RPP21: variants seen among roughly 807,000 people sequenced by gnomAD.
The protein encoded by RPP21 is ribonuclease P protein subunit p21.
A neutral mutation model predicts 19.0 loss-of-function variants in RPP21; 21 were observed. The observed-to-expected ratio is 1.11, with a 90% CI of 0.78 to 1.59. The LOEUF (loss-of-function observed/expected upper bound fraction) is 1.59. Among genes scored for constraint, RPP21 ranks in the 40% most tolerant of loss-of-function variants. The pLI is 0.00. For missense variants in RPP21, 215 were observed against 200.2 expected (o/e 1.07, Z -0.45); for synonymous variants, 93 against 78.7 (o/e 1.18, Z -0.96).
Position 30,345,378 on chromosome 6 carries a change from G to T in RPP21, c.138G>T (p.Ala46=). ...RFYCYTERTI[A]KRLVLRRDPS... ...ACTGCTACACTGAGAGGACCATTGC[G>T]AAGCGGCTCGTCTTGCGGCGGTGAG... Residue 46 remains alanine (A), a synonymous_variant, in exon 2 of 5, where the codon GCG becomes GCT. Transcript: ENST00000442966. 6.2e-7 allele frequency: 1 copy of T among 1,612,948 alleles called. No individual in the cohort carries two copies. The highest frequency in any genetic ancestry group is 8.5e-7 in the Non-Finnish European group (1 of 1,179,838).
rs1407784755 is a variant in RPP21 at position 30,345,616 on chromosome 6, G to A, written c.241+43G>A. On this transcript the variant is annotated intron_variant, in intron 3 of 4. Transcript: ENST00000442966. ...GGTGGAAGACTGCGGAGCATTGGGG[G>A]CGCGGAGGGGGGCGGGGTGGGGGGC... 4.8e-6 allele frequency: 7 copies of A among 1,471,544 alleles called. No homozygotes were observed. In the African/African-American group the frequency reaches 5.7e-5, roughly 12 times the overall value. The allele number at this position is 1,471,544 out of a possible 1,614,324, so 91.2% of individuals were successfully genotyped here.
intron 3 of RPP21, chr6:30,345,851 A>G: frequency 2.3e-6 from 1 of 441,652 alleles, no homozygotes; most frequent in Non-Finnish European, 4.0e-6. Context: ...ACAATAATAG[A>G]TGTTGTTCGG....
chr6:30,345,701 C>A (rs207466843), intron 3 of RPP21, 128 bp downstream of exon 3: 2 of 1,103,756 alleles, frequency 1.8e-6, no homozygotes, highest in Non-Finnish European at 2.5e-6. Context: ...GTGGGATTCG[C>A]AGGAGTCTTC....
Position 30,346,788 on chromosome 6 carries a change from C to A in RPP21, c.443C>A (p.Thr148Asn), listed in dbSNP as rs1262144276. ...CGCCTTCCTGAGGAGAAAATGCAGA[C>A]TCAGGGTTCCAGTAACCAGTGATGG... ...SDRLPEEKMQTQGSSNQ is the reference protein window; with the variant it reads ...SDRLPEEKMQNQGSSNQ Residue 148 changes from threonine to asparagine, a missense_variant, in exon 5 of 5, where the codon ACT becomes AAT. Transcript: ENST00000442966. This position sits in a 1 kb window ranked among gnomAD's most constrained non-coding sequence, Gnocchi z 4.7. The A allele has an allele frequency of 6.2e-7, 1 of 1,613,208 alleles. No individual in the cohort carries two copies. Among genetic ancestry groups the A allele is most frequent in the Non-Finnish European group, 8.5e-7 (1 of 1,180,022 alleles).
Position 30,346,419 on chromosome 6 carries a change from A to C in RPP21, c.242-13A>C. ...TCTAAACGTGGACAGTCTTTTTCCC[A>C]TGTTCACCCTAGGCTGCAGGGGACA... is the stretch of plus-strand genomic sequence containing the variant. On this transcript the variant is annotated splice_polypyrimidine_tract_variant and intron_variant, in intron 3 of 4. Coordinates refer to ENST00000442966, the MANE Select transcript of RPP21 (RefSeq NM_024839.4). The surrounding 1 kb of genome is among the most constrained non-coding windows in gnomAD (Gnocchi z 4.7). 1 of 1,609,036 alleles carries C rather than the reference A, an allele frequency of 6.2e-7. No individual in the cohort carries two copies. The highest frequency in any genetic ancestry group is 1.3e-5 in the African/African-American group (1 of 74,870).
chr6:30,346,329 G>T lies in RPP21; in HGVS notation c.242-103G>T. On this transcript the variant is annotated intron_variant, in intron 3 of 4. Coordinates refer to ENST00000442966, the MANE Select transcript of RPP21 (RefSeq NM_024839.4). This position sits in a 1 kb window ranked among gnomAD's most constrained non-coding sequence, Gnocchi z 4.7. ...AATGTGCATTCAAATTGGGGGTGTG[G>T]TGGGGGAGCGGGGATACCTACTGAA... is the stretch of plus-strand genomic sequence containing the variant. The T allele has an allele frequency of 6.5e-7, 1 of 1,541,226 alleles. No homozygotes were observed. The highest frequency in any genetic ancestry group is 8.8e-7 in the Non-Finnish European group (1 of 1,137,982).
chr6:30,345,407 G>A lies in RPP21; in HGVS notation c.158+9G>A. On this transcript the variant is annotated intron_variant, in intron 2 of 4. Transcript: ENST00000442966. ...CGGCTCGTCTTGCGGCGGTGAGACAGCCACGGGGCGGGCGGCGGGCGGGAC... is the reference window on the plus strand; with the variant it reads ...CGGCTCGTCTTGCGGCGGTGAGACAACCACGGGGCGGGCGGCGGGCGGGAC... The A allele has an allele frequency of 1.2e-6, 2 of 1,612,036 alleles. No individual in the cohort carries two copies. The highest frequency in any genetic ancestry group is 1.7e-6 in the Non-Finnish European group (2 of 1,179,282).
chr6:30,345,527 C>T lies in RPP21; in HGVS notation c.195C>T (p.Cys65=). ...PSVKRTLCRG[C]SSLLVPGLTC... Reference sequence around the variant, plus strand: ...TGAAGAGGACTCTCTGTCGAGGCTGCTCTTCCCTCCTCGTCCCGGGCCTCA... The same window carrying T: ...TGAAGAGGACTCTCTGTCGAGGCTGTTCTTCCCTCCTCGTCCCGGGCCTCA... The change falls in exon 3 of 5, where the codon TGC becomes TGT. Residue 65 remains cysteine, a synonymous_variant. Coordinates refer to ENST00000442966, the MANE Select transcript of RPP21 (RefSeq NM_024839.4). 1 of 1,592,882 alleles carries T rather than the reference C, an allele frequency of 6.3e-7. No homozygotes were observed. Among genetic ancestry groups the T allele is most frequent in the Non-Finnish European group, 8.6e-7 (1 of 1,169,026 alleles).
rs1397619922 is a variant in RPP21, at chr6:30,345,568, A to G, written c.236A>G (p.Gln79Arg). ...CCGGGCCTCACCTGCACCCAGCGCC[A>G]GAGACGTGAGTGCTCCAACGGAGGT... ...LVPGLTCTQR[Q>R]RRCRGQRWTV... The change falls in exon 3 of 5, where the codon CAG (glutamine) becomes CGG (arginine). Residue 79 changes from glutamine (Q) to arginine (R), a missense_variant. Physicochemically the swap from Gln to Arg is conservative, Grantham distance 43. Coordinates refer to ENST00000442966, the MANE Select transcript of RPP21 (RefSeq NM_024839.4). 1.4e-6 allele frequency: 2 copies of G among 1,442,168 alleles called. No individual in the cohort carries two copies. Among genetic ancestry groups the G allele is most frequent in the Non-Finnish European group, 1.9e-6 (2 of 1,077,346 alleles). The allele number at this position is 1,442,168 out of a possible 1,614,324, so 89.3% of individuals were successfully genotyped here. A position where few individuals can be genotyped will look rare whatever the true frequency, so the allele number is the denominator to read the frequency against.
chr6:30,345,873 A>T, intron 3 of RPP21: 1 of 407,208 alleles, frequency 2.5e-6, no homozygotes. Context: ...TTTGTGGAGG[A>T]CGATTCCCAT....
rs1205313356 is a variant in RPP21, at chr6:30,346,666, C to G, written c.368-47C>G. On this transcript the variant is annotated intron_variant, in intron 4 of 4. Coordinates refer to ENST00000442966, the MANE Select transcript of RPP21 (RefSeq NM_024839.4). This position sits in a 1 kb window ranked among gnomAD's most constrained non-coding sequence, Gnocchi z 4.7. ...TTCTGGGTTGGTGTGAGAAGTACCA[C>G]AGTCAGAAAACTAATTCTGTTTCTC... 1 of 1,613,940 alleles carries G rather than the reference C, an allele frequency of 6.2e-7. No homozygotes were observed. Among genetic ancestry groups the G allele is most frequent in the Non-Finnish European group, 8.5e-7 (1 of 1,179,918 alleles).
intron 2 of RPP21, 41 bp from the exon 3 acceptor site, chr6:30,345,450 G>A (rs5030611): frequency 0.18 from 285,658 of 1,610,540 alleles, 30,312 homozygotes; most frequent in East Asian, 0.43. Flanking sequence ...GAACGCGAGA[G>A]GGAGCGCGGG....
chr6:30,345,457 C>T (rs1387304017), intron 2 of RPP21, 34 bp from the exon 3 acceptor site: 23 of 1,610,454 alleles, frequency 1.4e-5, no homozygotes, highest in African/African-American at 2.7e-5. Context: ...AGAGGGAGCG[C>T]GGGCGCCAGA....
Position 30,345,385 on chromosome 6 carries a change from C to G in RPP21, c.145C>G (p.Leu49Val), listed in dbSNP as rs2127421899. The G allele has an allele frequency of 6.2e-7, 1 of 1,612,856 alleles. No homozygotes were observed. Among genetic ancestry groups the G allele is most frequent in the East Asian group, 2.2e-5 (1 of 44,860 alleles). Residue 49 changes from leucine (L) to valine (V), a missense_variant, in exon 2 of 5, where the codon CTC becomes GTC. By Grantham distance (32) the Leu-to-Val change is conservative (BLOSUM62 1). Transcript: ENST00000442966. ...CYTERTIAKR[L>V]VLRRDPSVKR... ...CACTGAGAGGACCATTGCGAAGCGG[C>G]TCGTCTTGCGGCGGTGAGACAGCCA...
At position 30,345,159 on chromosome 6, in the gene RPP21, G is replaced by T. The variant is rs369137891; in HGVS notation, c.-13G>T. The T allele has an allele frequency of 5.7e-5, 89 of 1,555,482 alleles. 3 individuals are homozygous for T. The South Asian group carries it at 9.7e-4, about 17-fold the overall frequency. ...AGGGGTGGGGCTGCGGGAGGCCCTG[G>T]AGCGCGGCGGTGATGGCGGGGCCGG... On this transcript the variant is annotated 5_prime_UTR_variant, in exon 1 of 5. Coordinates refer to ENST00000442966, the MANE Select transcript of RPP21 (RefSeq NM_024839.4).
Position 30,345,481 on chromosome 6 carries a change from C to T in RPP21, c.159-10C>T, listed in dbSNP as rs780892693. On this transcript the variant is annotated splice_polypyrimidine_tract_variant and intron_variant, in intron 2 of 4. Transcript: ENST00000442966. Reference sequence around the variant, plus strand: ...GCGGGCGCCAGACCACTATCCTCCTCCGCCCCCAGGGATCCCTCGGTGAAG... The same window carrying T: ...GCGGGCGCCAGACCACTATCCTCCTTCGCCCCCAGGGATCCCTCGGTGAAG... 2.1e-5 allele frequency: 34 copies of T among 1,609,894 alleles called. No homozygotes were observed. The Admixed American group carries it at 3.4e-4, about 16-fold the overall frequency.
chr6:30,345,430 G>T (rs1206405238), intron 2 of RPP21, 32 bp downstream of exon 2: 1 of 1,608,006 alleles, frequency 6.2e-7, no homozygotes, highest in Middle Eastern at 1.7e-4. Context: ...CGGCGGGCGG[G>T]ACGCGGGAGG....
chr6:30,345,210 G>A lies in RPP21; in HGVS notation c.39G>A (p.Arg13=), dbSNP rs1430132443. 1 of 1,595,288 alleles carries A rather than the reference G, an allele frequency of 6.3e-7. No individual in the cohort carries two copies. The highest frequency in any genetic ancestry group is 1.3e-5 in the African/African-American group (1 of 74,784). Residue 13 remains arginine, a synonymous_variant, in exon 1 of 5, where the codon AGG becomes AGA. Coordinates refer to ENST00000442966, the MANE Select transcript of RPP21 (RefSeq NM_024839.4). Reference sequence around the variant, plus strand: ...TGAAGGACCGCGAGGCCTTCCAGAGGCTCAACTTCCTGTACCAGGTGAGTC... The same window carrying A: ...TGAAGGACCGCGAGGCCTTCCAGAGACTCAACTTCCTGTACCAGGTGAGTC... ...GPVKDREAFQ[R]LNFLYQAAHC... is the part of the protein sequence containing the mutation.
At chr6:30,345,458 G>T in intron 2 of RPP21, 33 bp from the exon 3 acceptor site, 1 of 1,610,572 alleles carries the variant, frequency 6.2e-7, no homozygotes. Context: ...GAGGGAGCGC[G>T]GGCGCCAGAC....
Sources: gnomAD v4.1 joint callset for allele counts on GRCh38, gnomAD v4.1.1 for gene constraint, Gnocchi (gnomAD v3.1) non-coding constraint, MANE v1.5 for transcripts, NCBI Gene and HGNC (gene_info 2026-07-23, HGNC 2026-07-21) for gene names.